The following MACROD2 variants were observed in gnomAD, a reference collection of about 807,000 sequenced individuals.
The protein encoded by MACROD2 is ADP-ribose glycohydrolase MACROD2.
Under a neutral mutation model 70.4 loss-of-function variants are expected in MACROD2, and 36 were observed. The ratio of observed to expected loss-of-function variants is 0.51; its 90% CI spans 0.39 to 0.68. The LOEUF is 0.68. MACROD2 is among the 30% of genes least tolerant of loss of function. The pLI is 0.00. For synonymous variants in MACROD2, 172 were observed against 178.8 expected, an observed-to-expected ratio of 0.96 and a Z score of 0.30; for missense variants, 496 against 538.4, an observed-to-expected ratio of 0.92 and a Z score of 0.78.
At chr20:15,160,152 T>C (rs2076338033) in intron 5 of MACROD2, among the ~76,000 whole-genome samples, 1 of 151,880 alleles carries the variant, frequency 6.6e-6, no homozygotes. Context: ...GGCCAGGGTG[T>C]GTTGAAGGTG....
At chr20:15,992,665 A>G (rs1024321441) in intron 15 of MACROD2, among the ~76,000 whole-genome samples, 2 of 152,152 alleles carry the variant, frequency 1.3e-5, no homozygotes, top group Non-Finnish European at 2.9e-5. Flanking sequence ...GTCTTCTTTG[A>G]TTTCTTGCAC....
At chr20:16,017,428 G>A (rs917834242) in intron 15 of MACROD2, among the ~76,000 whole-genome samples, 5 of 152,178 alleles carry the variant, frequency 3.3e-5, no homozygotes, top group African/African-American at 9.7e-5. Context: ...ATCATTTTTG[G>A]TGGTGTTGTG....
chr20:15,284,336 C>T (rs993309336), intron 6 of MACROD2, among the ~76,000 whole-genome samples: 5 of 152,084 alleles, frequency 3.3e-5, no homozygotes, highest in African/African-American at 1.2e-4. Flanking sequence ...AGAGTCAGCT[C>T]ATTGTATTCC....
intron 8 of MACROD2, among the ~76,000 whole-genome samples, chr20:15,738,975 T>A (rs1180913290): frequency 6.6e-6 from 1 of 152,158 alleles, no homozygotes; most frequent in Non-Finnish European, 1.5e-5. Flanking sequence ...TGTATGTAGC[T>A]AAAATTTTAG....
chr20:15,263,618 G>A (rs756143000), intron 6 of MACROD2, among the ~76,000 whole-genome samples: 1 of 151,852 alleles, frequency 6.6e-6, no homozygotes, highest in East Asian at 1.9e-4. Flanking sequence ...TCTCGCTTTG[G>A]GTAATATGGA....
rs568904032 is a variant in MACROD2, at chr20:15,446,129, C to G, written c.571+14694C>G. Reference sequence around the variant, plus strand: ...TACTTTCTCTAGGTCCCCATTCTCTCCTCTGTGTCTTCTTCTACCCAAACT... The same window carrying G: ...TACTTTCTCTAGGTCCCCATTCTCTGCTCTGTGTCTTCTTCTACCCAAACT... On this transcript the variant is annotated intron_variant, in intron 7 of 17. Coordinates refer to ENST00000684519, the MANE Select transcript of MACROD2 (RefSeq NM_001351661.2). 3.3e-5 allele frequency among the ~76,000 whole-genome samples: 5 copies of G among 152,294 alleles called. No individual in the cohort carries two copies. The South Asian group carries it at 1.0e-3, about 32-fold the overall frequency.
At chr20:15,998,088 GT>G (rs528398625) in intron 15 of MACROD2, among the ~76,000 whole-genome samples, 58 of 152,168 alleles carry the variant, frequency 3.8e-4, no homozygotes, top group African/African-American at 1.4e-3. Flanking sequence ...CTAGTAATTT[GT>G]TGAAATGTTT....
rs144615914 is a variant in MACROD2, at chr20:14,682,717, C to G, written c.302-2126C>G. On this transcript the variant is annotated intron_variant, in intron 4 of 17. Transcript: ENST00000684519. ...CCTGTTGATGGACATCTGAGTAGAT[C>G]CAAGTTTTCACTATTGTAAACAACT... is the stretch of plus-strand genomic sequence containing the variant. Among the ~76,000 whole-genome samples, 1,151 of 151,986 alleles carry G rather than the reference C, an allele frequency of 7.6e-3. 15 individuals are homozygous for G. The highest frequency in any genetic ancestry group is 0.026 in the African/African-American group (1,085 of 41,458).
chr20:14,590,414 T>C (rs1157171177), intron 4 of MACROD2, among the ~76,000 whole-genome samples: 1 of 152,138 alleles, frequency 6.6e-6, no homozygotes. Flanking sequence ...GCAGTAAGAT[T>C]TGAATTAAAG....
At chr20:15,772,128 ATT>A (rs1388915956) in intron 8 of MACROD2, among the ~76,000 whole-genome samples, 11 of 122,266 alleles carry the variant, frequency 9.0e-5, no homozygotes, top group African/African-American at 2.6e-4. Flanking sequence ...ATATATATAT[ATT>A]TCTTTTGTAT....
intron 8 of MACROD2, among the ~76,000 whole-genome samples, chr20:15,787,552 G>A (rs1262070220): frequency 6.6e-6 from 1 of 152,074 alleles, no homozygotes; most frequent in Non-Finnish European, 1.5e-5. Flanking sequence ...TTGTAAGTGA[G>A]AACATGCAGT....
chr20:15,533,968 C>A (rs945058190), intron 8 of MACROD2, among the ~76,000 whole-genome samples: 3 of 152,180 alleles, frequency 2.0e-5, no homozygotes. Flanking sequence ...TCCCATGCCA[C>A]TTCTTGGCTA....
chr20:14,619,904 C>A (rs1378428656), intron 4 of MACROD2, among the ~76,000 whole-genome samples: 2 of 152,138 alleles, frequency 1.3e-5, no homozygotes, highest in African/African-American at 4.8e-5. Context: ...ATAGAGCCTC[C>A]ACTGTCTGAA....
chr20:15,189,506 C>A (rs1245505446), intron 5 of MACROD2, among the ~76,000 whole-genome samples: 1 of 152,086 alleles, frequency 6.6e-6, no homozygotes, highest in East Asian at 1.9e-4. Flanking sequence ...GTTAACTCAG[C>A]ATGTTTTATA....
intron 5 of MACROD2, among the ~76,000 whole-genome samples, chr20:14,834,110 A>G (rs1192643449): frequency 6.6e-6 from 1 of 152,140 alleles, no homozygotes. Flanking sequence ...CTATGTAGAT[A>G]TGAAAACAAA....
At chr20:15,091,579 C>A (rs548552546) in intron 5 of MACROD2, among the ~76,000 whole-genome samples, 1 of 151,898 alleles carries the variant, frequency 6.6e-6, no homozygotes, top group Non-Finnish European at 1.5e-5. Context: ...TAAACCAAAC[C>A]GCATGTTAAC....
chr20:15,151,988 G>A (rs1222168044), intron 5 of MACROD2, among the ~76,000 whole-genome samples: 1 of 151,942 alleles, frequency 6.6e-6, no homozygotes, highest in Non-Finnish European at 1.5e-5. Context: ...TGAGGGGACA[G>A]GTGGGAGGGA....
intron 10 of MACROD2, among the ~76,000 whole-genome samples, chr20:15,918,493 TGGG>T (rs2065353575): frequency 1.3e-5 from 2 of 152,190 alleles, no homozygotes; most frequent in South Asian, 4.1e-4. Flanking sequence ...TACCATTATT[TGGG>T]GGTTTTCATA....
chr20:15,966,704 T>C (rs954122726), intron 12 of MACROD2, among the ~76,000 whole-genome samples: 1 of 152,164 alleles, frequency 6.6e-6, no homozygotes, highest in African/African-American at 2.4e-5. Context: ...GTTGCAGCAC[T>C]GCATCCAGCC....
Sources: gnomAD v4.1 joint callset for allele counts (sites outside exome capture counted in the v4.1 genomes callset) on GRCh38, gnomAD v4.1.1 for gene constraint, MANE v1.5 for transcripts, NCBI Gene and HGNC (gene_info 2026-07-23, HGNC 2026-07-21) for gene names.